Variants in UBE2W observed in about 807,000 individuals in gnomAD.
UBE2W encodes the protein ubiquitin-conjugating enzyme E2 W.
In UBE2W, 18 loss-of-function variants were observed where a neutral mutation model predicts 27.2. The ratio of observed to expected loss-of-function variants is 0.66; its 90% CI spans 0.46 to 0.98. The LOEUF is 0.98. Among genes scored for constraint, UBE2W ranks in the 50% least tolerant of loss-of-function variants. The pLI is 0.00. For synonymous variants in UBE2W, 53 were observed against 57.2 expected (o/e 0.93, Z 0.33); for missense variants, 90 against 180.2 (o/e 0.50, Z 2.87).
intron 1 of UBE2W, among the ~76,000 whole-genome samples, chr8:73,855,850 C>A (rs1811275524): frequency 6.6e-6 from 1 of 151,992 alleles, no homozygotes; most frequent in South Asian, 2.1e-4. Context: ...TTAAATGATT[C>A]TTAAAGTTCC....
At chr8:73,836,827 C>A (rs1810326293) in intron 1 of UBE2W, among the ~76,000 whole-genome samples, 1 of 152,170 alleles carries the variant, frequency 6.6e-6, no homozygotes, top group Non-Finnish European at 1.5e-5. Context: ...GCCATACTGG[C>A]CTGCTTTCCC....
chr8:73,849,874 T>C, intron 1 of UBE2W, among the ~76,000 whole-genome samples: 1 of 152,108 alleles, frequency 6.6e-6, no homozygotes, highest in Non-Finnish European at 1.5e-5. Flanking sequence ...CTGGCATTGC[T>C]ATGTTAATAT....
In UBE2W at chr8:73,792,122, CA is replaced by C; in HGVS notation, c.*1979del. 4 of 985,100 alleles carry C rather than the reference CA, an allele frequency of 4.1e-6. No individual in the cohort carries two copies. The highest frequency in any genetic ancestry group is 4.8e-6 in the Non-Finnish European group (4 of 829,722). The allele number at this position is 985,100 out of a possible 1,614,324, so 61.0% of individuals were successfully genotyped here. On this transcript the variant is annotated 3_prime_UTR_variant, in exon 6 of 6. Transcript: ENST00000602593. ...AGCAGTTACGCAAAATATGAAAATA[CA>C]TAATTTACAGCTGCAATTTTCATAT...
intron 2 of UBE2W, among the ~76,000 whole-genome samples, chr8:73,829,759 A>G (rs919426899): frequency 3.9e-5 from 6 of 152,118 alleles, no homozygotes; most frequent in African/African-American, 1.4e-4. Context: ...ACTACACTAA[A>G]TATTTGAATT....
chr8:73,856,987 G>A (rs1259879870), intron 1 of UBE2W, among the ~76,000 whole-genome samples: 2 of 152,132 alleles, frequency 1.3e-5, no homozygotes, highest in Non-Finnish European at 2.9e-5. Context: ...GATTATAGAC[G>A]TGAGCCACCA....
At chr8:73,877,161 TCTTA>T (rs966137620) in intron 1 of UBE2W, among the ~76,000 whole-genome samples, 5 of 152,344 alleles carry the variant, frequency 3.3e-5, no homozygotes, top group Admixed American at 3.3e-4. Context: ...CAGATAATAA[TCTTA>T]AACTTGTCAT....
intron 3 of UBE2W, among the ~76,000 whole-genome samples, chr8:73,820,749 TAAAAAAC>T (rs1409066343): frequency 1.3e-5 from 1 of 74,150 alleles, no homozygotes; most frequent in Non-Finnish European, 2.5e-5. Context: ...CTCAAAAAAA[TAAAAAAC>T]AAACAAACAA....
At chr8:73,780,944 T>G (rs1807829663) in intron 4 of UBE2W, among the ~76,000 whole-genome samples, 1 of 152,120 alleles carries the variant, frequency 6.6e-6, no homozygotes, top group African/African-American at 2.4e-5. Context: ...CAGAAATAAT[T>G]TATTCATTGA....
intron 1 of UBE2W, among the ~76,000 whole-genome samples, chr8:73,857,679 G>A (rs1470794667): frequency 6.6e-6 from 1 of 151,988 alleles, no homozygotes; most frequent in Non-Finnish European, 1.5e-5. Context: ...AGCCAGGTAT[G>A]GTGGCAGACG....
chr8:73,798,005 A>G (rs1370152205), intron 5 of UBE2W, among the ~76,000 whole-genome samples: 1 of 152,220 alleles, frequency 6.6e-6, no homozygotes, highest in African/African-American at 2.4e-5. Flanking sequence ...AATGCTGTAT[A>G]GGTCCAGTGT....
At chr8:73,867,159 G>A (rs1477626290) in intron 1 of UBE2W, among the ~76,000 whole-genome samples, 1 of 152,188 alleles carries the variant, frequency 6.6e-6, no homozygotes, top group Non-Finnish European at 1.5e-5. Context: ...TCAGCATGTT[G>A]GGAGGCTGCA....
intron 1 of UBE2W, among the ~76,000 whole-genome samples, chr8:73,851,790 G>A (rs1811088779): frequency 6.8e-6 from 1 of 146,536 alleles, no homozygotes; most frequent in Non-Finnish European, 1.5e-5. Flanking sequence ...TGTGCAAAGT[G>A]AGAAAGAGAA....
intron 1 of UBE2W, among the ~76,000 whole-genome samples, chr8:73,834,905 T>A (rs1586496958): frequency 6.6e-6 from 1 of 151,938 alleles, no homozygotes; most frequent in African/African-American, 2.4e-5. Flanking sequence ...TGAGACTCCA[T>A]CTCAATAAAA....
rs929183216 is a variant in UBE2W, at chr8:73,789,362, G to A, written c.*4740C>T. 1 of 194,784 alleles carries A rather than the reference G, an allele frequency of 5.1e-6. No individual in the cohort carries two copies. The highest frequency in any genetic ancestry group is 8.6e-6 in the Non-Finnish European group (1 of 116,550). The allele number at this position is 194,784 out of a possible 1,614,324, so 12.1% of individuals were successfully genotyped here. ...AAAAAATTCTATCCATCCAGGCATG[G>A]TGGCACACACCTGTAGACTCAGCTA... On this transcript the variant is annotated 3_prime_UTR_variant, in exon 6 of 6. Coordinates refer to ENST00000602593, the MANE Select transcript of UBE2W (RefSeq NM_018299.6).
At chr8:73,822,797 CA>C (rs957382882) in intron 3 of UBE2W, among the ~76,000 whole-genome samples, 2 of 151,284 alleles carry the variant, frequency 1.3e-5, no homozygotes, top group Admixed American at 6.6e-5. Flanking sequence ...AAAAACAAAA[CA>C]AAAACAAACA....
intron 1 of UBE2W, among the ~76,000 whole-genome samples, chr8:73,857,647 C>T (rs1811361340): frequency 6.6e-6 from 1 of 151,834 alleles, no homozygotes; most frequent in Non-Finnish European, 1.5e-5. Flanking sequence ...GAAATCCTGT[C>T]GCTACTAAAA....
chr8:73,792,239 A>G lies in UBE2W; in HGVS notation c.*1863T>C, dbSNP rs1169785109. The G allele has an allele frequency of 1.0e-6, 1 of 985,628 alleles. No homozygotes were observed. The highest frequency in any genetic ancestry group is 6.2e-5 in the Admixed American group (1 of 16,252). 61.1% of individuals were successfully genotyped at this position (985,628 alleles called of 1,614,324 possible). A position where few individuals can be genotyped will look rare whatever the true frequency, so the allele number is the denominator to read the frequency against. On this transcript the variant is annotated 3_prime_UTR_variant, in exon 6 of 6. Coordinates refer to ENST00000602593, the MANE Select transcript of UBE2W (RefSeq NM_018299.6). ...AAAACTGACAGAGATCATTGTGAGA[A>G]TTTATCTAGTCAAGATAGAACAAAA...
intron 5 of UBE2W, among the ~76,000 whole-genome samples, chr8:73,801,938 G>A (rs1273770031): frequency 6.6e-6 from 1 of 152,194 alleles, no homozygotes; most frequent in African/African-American, 2.4e-5. Flanking sequence ...ACAAGGCTTT[G>A]GTGAAAGAGC....
At chr8:73,819,626 T>G (rs1471714703) in intron 3 of UBE2W, among the ~76,000 whole-genome samples, 2 of 152,232 alleles carry the variant, frequency 1.3e-5, no homozygotes, top group Non-Finnish European at 2.9e-5. Flanking sequence ...ACAGTAAGTG[T>G]ACATTAGCGG....
Sources: allele counts gnomAD v4.1 joint callset (sites outside exome capture counted in the v4.1 genomes callset), GRCh38; gene constraint gnomAD v4.1.1; transcripts MANE v1.5; gene names NCBI Gene and HGNC (gene_info 2026-07-23, HGNC 2026-07-21).